The following HMGXB3 variants were observed in gnomAD, a reference collection of about 807,000 sequenced individuals.
HMGXB3 encodes HMG-box containing 3.
A neutral mutation model predicts 121.5 loss-of-function variants in HMGXB3; 45 were observed. The observed-to-expected ratio is 0.37, with a 90% CI of 0.29 to 0.47. The LOEUF (loss-of-function observed/expected upper bound fraction) is 0.47. Among genes scored for constraint, HMGXB3 ranks in the 20% least tolerant of loss-of-function variants. The pLI is 0.99. For synonymous variants in HMGXB3, 590 were observed against 624.1 expected (o/e 0.95, Z 0.81); for missense variants, 1,376 against 1,602.2 (o/e 0.86, Z 2.41).
rs1864999 is a variant in HMGXB3, at chr5:150,048,835, G to A, written c.3201+150G>A. On this transcript the variant is annotated intron_variant, in intron 18 of 19. Coordinates refer to ENST00000502717, the MANE Select transcript of HMGXB3 (RefSeq NM_014983.3). ...CCCACGGGTCAGGTGCTACCCCCTGGGCTAGGGAGGGAGGCTGGGTCTTCT... is the reference window on the plus strand; with the variant it reads ...CCCACGGGTCAGGTGCTACCCCCTGAGCTAGGGAGGGAGGCTGGGTCTTCT... The A allele has an allele frequency of 0.01, 6,497 of 632,242 alleles. 316 individuals are homozygous for A. In the African/African-American group the frequency reaches 0.11, roughly 10 times the overall value. 39.2% of individuals were successfully genotyped at this position (632,242 alleles called of 1,614,324 possible). A position where few individuals can be genotyped will look rare whatever the true frequency, so the allele number is the denominator to read the frequency against.
chr5:150,017,424 C>T (rs1755982629), intron 5 of HMGXB3, among the ~76,000 whole-genome samples: 1 of 152,148 alleles, frequency 6.6e-6, no homozygotes. Context: ...ACTTTCTCAG[C>T]AAGACACGCC....
chr5:150,011,028 A>C (rs1192546663), intron 4 of HMGXB3, among the ~76,000 whole-genome samples: 1 of 152,202 alleles, frequency 6.6e-6, no homozygotes, highest in East Asian at 1.9e-4. Context: ...CCTGGGCTTA[A>C]GCAGTCCTCC....
chr5:150,031,791 A>G (rs1045513849), intron 10 of HMGXB3, among the ~76,000 whole-genome samples: 1 of 152,232 alleles, frequency 6.6e-6, no homozygotes, highest in African/African-American at 2.4e-5. Flanking sequence ...CTGGGGATTC[A>G]GTAGCAAACA....
chr5:150,048,800 G>A (rs1413402824), intron 18 of HMGXB3, 115 bp downstream of exon 18: 21 of 760,958 alleles, frequency 2.8e-5, no homozygotes, highest in African/African-American at 1.0e-4. Flanking sequence ...GGCAACCTCC[G>A]GCATAGCTGC....
Position 150,028,557 on chromosome 5 carries a change from ATATT to A in HMGXB3, c.1734+1442_1734+1445del, listed in dbSNP as rs1490398182. On this transcript the variant is annotated intron_variant, in intron 9 of 19. Transcript: ENST00000502717. ...TGTGTGTGTGTATATATATATATAT[ATATT>A]TTTTTTTTTTTTTTTTTCCTCCAGA... Among the ~76,000 whole-genome samples the A allele has an allele frequency of 2.9e-3, 190 of 64,494 alleles. 2 individuals carry two copies. The highest frequency in any genetic ancestry group is 6.9e-3 in the Middle Eastern group (1 of 144). 42.3% of individuals were successfully genotyped at this position (64,494 alleles called of 152,430 possible).
rs769178795 is a variant in HMGXB3, at chr5:150,052,394, G to A, written c.*202G>A. The stretch of plus-strand genomic sequence containing the variant: ...CTCAACCCTCCAGGGGTCAGGAGTG[G>A]TACCAGGAAACCTCTTCTGGCCCCG... On this transcript the variant is annotated 3_prime_UTR_variant, in exon 20 of 20. Transcript: ENST00000502717. 15 of 574,042 alleles carry A rather than the reference G, an allele frequency of 2.6e-5. No homozygotes were observed. Among genetic ancestry groups the A allele is most frequent in the Middle Eastern group, 4.6e-4 (1 of 2,178 alleles). 35.6% of individuals were successfully genotyped at this position (574,042 alleles called of 1,614,324 possible).
chr5:150,018,324 A>G (rs1333226217), intron 5 of HMGXB3, among the ~76,000 whole-genome samples: 1 of 152,182 alleles, frequency 6.6e-6, no homozygotes, highest in Non-Finnish European at 1.5e-5. Flanking sequence ...CACTTTCTTC[A>G]TTCTTCTGGT....
rs2113716600 is a variant in HMGXB3, at chr5:150,000,832, T to G, written c.-350T>G. The G allele has an allele frequency of 6.5e-6, 1 of 154,804 alleles. No homozygotes were observed. Among genetic ancestry groups the G allele is most frequent in the East Asian group, 2.0e-4 (1 of 5,124 alleles). The allele number at this position is 154,804 out of a possible 1,614,324, so 9.6% of individuals were successfully genotyped here. ...CCGTCTTCCTCGAGCTCCCCGGGGC[T>G]TGACCCCCGGGGCCCTCGGCAGGCA... On this transcript the variant is annotated 5_prime_UTR_variant, in exon 1 of 20. Coordinates refer to ENST00000502717, the MANE Select transcript of HMGXB3 (RefSeq NM_014983.3).
chr5:150,032,630 C>T (rs1234094670), intron 11 of HMGXB3, 27 bp downstream of exon 11: 1 of 1,551,802 alleles, frequency 6.4e-7, no homozygotes, highest in East Asian at 2.4e-5. Context: ...AAACACATCC[C>T]CTGGCCTGTT....
chr5:150,023,932 G>A (rs1262888236), intron 6 of HMGXB3, among the ~76,000 whole-genome samples: 1 of 152,242 alleles, frequency 6.6e-6, no homozygotes, highest in Non-Finnish European at 1.5e-5. Context: ...ACACACAGAA[G>A]TAGCCTTTGA....
intron 4 of HMGXB3, 134 bp from the exon 5 acceptor site, chr5:150,012,121 T>C (rs1219275306): frequency 3.2e-6 from 2 of 628,662 alleles, no homozygotes; most frequent in East Asian, 5.6e-5. Context: ...CATAAATTCA[T>C]TCCTTTTGAT....
intron 18 of HMGXB3, among the ~76,000 whole-genome samples, chr5:150,049,258 A>C (rs1756833434): frequency 6.6e-6 from 1 of 152,202 alleles, no homozygotes; most frequent in African/African-American, 2.4e-5. Flanking sequence ...CCAGAGTAAC[A>C]GTTCGTATTT....
intron 1 of HMGXB3, among the ~76,000 whole-genome samples, chr5:150,004,548 A>G (rs998268335): frequency 6.6e-6 from 1 of 152,176 alleles, no homozygotes; most frequent in African/African-American, 2.4e-5. Flanking sequence ...TCCCATGAAT[A>G]TAAGTGAAAA....
Position 150,032,574 on chromosome 5 carries a change from G to A in HMGXB3, c.1954G>A (p.Asp652Asn). The change falls in exon 11 of 20, where the codon GAC (aspartate) becomes AAC (asparagine). Residue 652 changes from aspartate to asparagine, a missense_variant. Around this residue, in one of 2 missense-constraint regions of HMGXB3, gnomAD observed 1,116 missense variants for 1,369.0 expected, o/e 0.82. Coordinates refer to ENST00000502717, the MANE Select transcript of HMGXB3 (RefSeq NM_014983.3). ...CAGCTGTGGTGTTAACCTTGCCAAA[G>A]ACCGGACTGAGAAAACCACCAAGGC... is the stretch of plus-strand genomic sequence containing the variant. ...CPSCGVNLAK[D>N]RTEKTTKAIE... The A allele has an allele frequency of 6.4e-7, 1 of 1,552,306 alleles. No individual in the cohort carries two copies.
At position 150,050,422 on chromosome 5, in the gene HMGXB3, G is replaced by C. The variant is rs369560983; in HGVS notation, c.3372G>C (p.Arg1124Ser). ...YPELTNQMWGRNQGCFSSPTE... is the reference protein window; with the variant it reads ...YPELTNQMWGSNQGCFSSPTE... ...AGCTGACTAACCAGATGTGGGGGAG[G>C]AACCAGGGCTGTTTCTCTAGCCCCA... Residue 1124 changes from arginine (R) to serine (S), a missense_variant, in exon 19 of 20, where the codon AGG (arginine) becomes AGC (serine). Arg to Ser is a moderately radical substitution (Grantham distance 110, BLOSUM62 -1). This residue lies in a region of HMGXB3 where 260 missense variants were observed against 233.2 expected (regional missense o/e 1.11). Transcript: ENST00000502717. 308 of 1,551,674 alleles carry C rather than the reference G, an allele frequency of 2.0e-4. 1 individual carries two copies. In the African/African-American group the frequency reaches 3.7e-3, roughly 19 times the overall value.
intron 5 of HMGXB3, chr5:150,015,213 T>C (rs1755932812): frequency 4.2e-6 from 1 of 235,836 alleles, no homozygotes; most frequent in Non-Finnish European, 8.2e-6. Flanking sequence ...TTCACTGCCC[T>C]GGTAGTTCTC....
In HMGXB3 at chr5:150,020,279, T is replaced by C. The variant is rs565061322; in HGVS notation, c.1041+1582T>C. ...TCTCACAGGGGGTTTTGTCTAAGGC[T>C]CTTGTGCCATCTTCTCTGATGTGCC... On this transcript the variant is annotated intron_variant, in intron 6 of 19. Transcript: ENST00000502717. 4.6e-5 allele frequency among the ~76,000 whole-genome samples: 7 copies of C among 152,366 alleles called. No homozygotes were observed. In the South Asian group the frequency reaches 1.4e-3, roughly 32 times the overall value.
intron 4 of HMGXB3, among the ~76,000 whole-genome samples, chr5:150,010,907 A>G (rs1327759038): frequency 6.6e-6 from 1 of 152,258 alleles, no homozygotes; most frequent in African/African-American, 2.4e-5. Flanking sequence ...CACGAGTCAA[A>G]GCTAGGATCT....
chr5:150,021,788 T>G (rs1243404442), intron 6 of HMGXB3: 1 of 505,902 alleles, frequency 2.0e-6, no homozygotes, highest in Non-Finnish European at 3.9e-6. Context: ...GAGATTCTTT[T>G]CCTTTGCTCC....
Sources: gnomAD v4.1 joint callset for allele counts (sites outside exome capture counted in the v4.1 genomes callset) on GRCh38, gnomAD v4.1.1 for gene constraint, gnomAD v4.1.1 regional missense constraint, MANE v1.5 for transcripts, NCBI Gene and HGNC (gene_info 2026-07-23, HGNC 2026-07-21) for gene names.